Variants in H6PD observed in about 807,000 individuals in gnomAD.
H6PD encodes the protein hexose-6-phosphate dehydrogenase/glucose 1-dehydrogenase, also known as GDH/6PGL endoplasmic bifunctional protein.
H6PD carries 48 observed loss-of-function variants against 61.2 expected under a neutral mutation model. That is an observed-to-expected ratio of 0.78 (90% CI 0.62 to 1.00). The LOEUF (loss-of-function observed/expected upper bound fraction) is 1.00, where lower values mean the gene tolerates loss of function less well. Among genes scored for constraint, H6PD ranks in the 50% least tolerant of loss-of-function variants. The probability of loss-of-function intolerance (pLI) is 0.00; values close to 1 mark genes in which losing one functional copy is unlikely to be tolerated. For synonymous variants in H6PD, 480 were observed against 457.9 expected (o/e 1.05, Z -0.62); for missense variants, 1,093 against 1,065.0 (o/e 1.03, Z -0.37).
In H6PD at chr1:9,264,935, T is replaced by A; in HGVS notation, c.*66T>A. On this transcript the variant is annotated 3_prime_UTR_variant, in exon 5 of 5. Transcript: ENST00000377403. ...CTTCGCCCGTGTCTTCCCTCCCTTC[T>A]CGGCCCCGCCACCTGCCCAGCGTGC... 1 of 1,566,686 alleles carries A rather than the reference T, an allele frequency of 6.4e-7. No homozygotes were observed. The highest frequency in any genetic ancestry group is 8.7e-7 in the Non-Finnish European group (1 of 1,151,256).
At chr1:9,260,839 G>T (rs1570118348) in intron 3 of H6PD, among the ~76,000 whole-genome samples, 1 of 138,788 alleles carries the variant, frequency 7.2e-6, no homozygotes, top group African/African-American at 2.9e-5. Flanking sequence ...ATCTGCGCCT[G>T]GGGGTCTTCA....
At position 9,262,329 on chromosome 1, in the gene H6PD, G is replaced by A. The variant is rs1443690510; in HGVS notation, c.1015+1G>A. 6.3e-7 allele frequency: 1 copy of A among 1,599,102 alleles called. No homozygotes were observed. Among genetic ancestry groups the A allele is most frequent in the Non-Finnish European group, 8.5e-7 (1 of 1,173,090 alleles). ...CACAGCCTGACGCCGACCTTCGCAG[G>A]TGGGCCCTGGGGCTGGGCATGGGGC... On this transcript the variant is annotated splice_donor_variant, in intron 4 of 4. Transcript: ENST00000377403. LOFTEE classifies it high-confidence loss of function.
In H6PD at chr1:9,267,600, G is replaced by C. The variant is rs914343790; in HGVS notation, c.*2731G>C. On this transcript the variant is annotated 3_prime_UTR_variant, in exon 5 of 5. Transcript: ENST00000377403. ...GATGCACCACCGATCTGTGCAGAGTGGGTGTGGGAGTGTGGGTGAGGGTCG... is the reference window on the plus strand; with the variant it reads ...GATGCACCACCGATCTGTGCAGAGTCGGTGTGGGAGTGTGGGTGAGGGTCG... 6.6e-6 allele frequency: 1 copy of C among 152,310 alleles called. No individual in the cohort carries two copies. The highest frequency in any genetic ancestry group is 1.5e-5 in the Non-Finnish European group (1 of 68,098). The allele number at this position is 152,310 out of a possible 1,614,324, so 9.4% of individuals were successfully genotyped here. A position where few individuals can be genotyped will look rare whatever the true frequency, so the allele number is the denominator to read the frequency against.
chr1:9,250,098 G>C (rs377685882), intron 3 of H6PD, among the ~76,000 whole-genome samples: 18 of 152,280 alleles, frequency 1.2e-4, no homozygotes, highest in African/African-American at 4.1e-4. Context: ...ACTGGAAAGA[G>C]GGGACAGGCA....
rs763555076 is a variant in H6PD at position 9,263,584 on chromosome 1, A to G, written c.1091A>G (p.Glu364Gly). Reference protein sequence around the residue: ...FILMSGKALDERVGYARILFK... With the variant: ...FILMSGKALDGRVGYARILFK... The stretch of plus-strand genomic sequence containing the variant: ...CTGATGTCTGGCAAAGCCTTGGACG[A>G]GAGAGTGGGCTACGCTCGGATCTTG... The change falls in exon 5 of 5, where the codon GAG (glutamate) becomes GGG (glycine). Residue 364 changes from glutamate (E) to glycine (G), a missense_variant. By Grantham distance (98) the Glu-to-Gly change is moderately conservative. Coordinates refer to ENST00000377403, the MANE Select transcript of H6PD (RefSeq NM_004285.4). The G allele has an allele frequency of 5.0e-6, 8 of 1,614,184 alleles. No homozygotes were observed. In the East Asian group the frequency reaches 1.8e-4, roughly 36 times the overall value.
At chr1:9,246,818 G>T in intron 2 of H6PD, 148 bp from the exon 3 acceptor site, 1 of 736,324 alleles carries the variant, frequency 1.4e-6, no homozygotes, top group South Asian at 1.4e-5. Context: ...TTACTGGCCT[G>T]TGAGATCGTG....
intron 1 of H6PD, 23 bp downstream of exon 1, chr1:9,235,089 G>C (rs947084405): frequency 2.7e-5 from 4 of 148,156 alleles, no homozygotes; most frequent in Admixed American, 2.7e-4. Context: ...CGCCGGCCCC[G>C]CCGCCGCCCC....
rs1638703379 is a variant in H6PD at position 9,270,195 on chromosome 1, T to C, written c.*5326T>C. On this transcript the variant is annotated 3_prime_UTR_variant, in exon 5 of 5. Coordinates refer to ENST00000377403, the MANE Select transcript of H6PD (RefSeq NM_004285.4). Reference sequence around the variant, plus strand: ...TGCTTTGATTCTCAAGGCTGATCTTTAAAACCCTCGCCTTGCTGACAGGTG... The same window carrying C: ...TGCTTTGATTCTCAAGGCTGATCTTCAAAACCCTCGCCTTGCTGACAGGTG... 1 of 152,656 alleles carries C rather than the reference T, an allele frequency of 6.6e-6. No individual in the cohort carries two copies. Among genetic ancestry groups the C allele is most frequent in the African/African-American group, 2.4e-5 (1 of 41,438 alleles). The allele number at this position is 152,656 out of a possible 1,614,324, so 9.5% of individuals were successfully genotyped here.
At position 9,270,376 on chromosome 1, in the gene H6PD, C is replaced by T. The variant is rs1638708922; in HGVS notation, c.*5507C>T. 1 of 152,296 alleles carries T rather than the reference C, an allele frequency of 6.6e-6. No homozygotes were observed. The allele number at this position is 152,296 out of a possible 1,614,324, so 9.4% of individuals were successfully genotyped here. ...TACTTGTGTCGCTTTGGGTCCTTCACTTTACCCCCACAGAAGTCTAGAGGC... is the reference window on the plus strand; with the variant it reads ...TACTTGTGTCGCTTTGGGTCCTTCATTTTACCCCCACAGAAGTCTAGAGGC... On this transcript the variant is annotated 3_prime_UTR_variant, in exon 5 of 5. Transcript: ENST00000377403.
chr1:9,260,083 CTGT>C (rs1484617721), intron 3 of H6PD, among the ~76,000 whole-genome samples: 5 of 149,868 alleles, frequency 3.3e-5, no homozygotes, highest in Non-Finnish European at 7.4e-5. Flanking sequence ...TGTTACGTTG[CTGT>C]TGTTACGCCG....
chr1:9,243,868 G>GT, intron 1 of H6PD, among the ~76,000 whole-genome samples: 1 of 44,050 alleles, frequency 2.3e-5, no homozygotes, highest in Admixed American at 2.6e-4. Flanking sequence ...AGGAAGAGGC[G>GT]GGGGCGGTGG....
chr1:9,239,795 C>T lies in H6PD; in HGVS notation c.-11+4729C>T, dbSNP rs558431550. 1.3e-5 allele frequency: 5 copies of T among 391,948 alleles called. No individual in the cohort carries two copies. The South Asian group carries it at 7.1e-4, about 56-fold the overall frequency. The allele number at this position is 391,948 out of a possible 1,614,324, so 24.3% of individuals were successfully genotyped here. A position where few individuals can be genotyped will look rare whatever the true frequency, so the allele number is the denominator to read the frequency against. On this transcript the variant is annotated intron_variant, in intron 1 of 4. Coordinates refer to ENST00000377403, the MANE Select transcript of H6PD (RefSeq NM_004285.4). ...TTTACCTCCCGCTCCTCTCTCCCACCCCTTGTCTGCTGGGCATAGAGGATT... is the reference window on the plus strand; with the variant it reads ...TTTACCTCCCGCTCCTCTCTCCCACTCCTTGTCTGCTGGGCATAGAGGATT...
chr1:9,240,738 T>C (rs1043296274), intron 1 of H6PD, among the ~76,000 whole-genome samples: 2 of 152,264 alleles, frequency 1.3e-5, no homozygotes, highest in Non-Finnish European at 2.9e-5. Context: ...TTCCATGCTC[T>C]TTGGCTAACT....
rs1355522769 is a variant in H6PD at position 9,246,966 on chromosome 1, G to T, written c.628G>T (p.Ala210Ser). The T allele has an allele frequency of 1.2e-6, 2 of 1,608,000 alleles. No individual in the cohort carries two copies. The highest frequency in any genetic ancestry group is 2.7e-5 in the African/African-American group (2 of 74,810). ...ACGCCCAGTCTTCCCCCCCCGACAG[G>T]CTGTGGCGCAGATCCTGCCTTTCCG... ...YRVDHYLGKQ[A>S]VAQILPFRDQ... Residue 210 changes from alanine to serine, a missense_variant and splice_region_variant, in exon 3 of 5, where the codon GCT (alanine) becomes TCT (serine). By Grantham distance (99) the Ala-to-Ser change is moderately conservative. Coordinates refer to ENST00000377403, the MANE Select transcript of H6PD (RefSeq NM_004285.4).
At chr1:9,237,357 C>A (rs974374484) in intron 1 of H6PD, among the ~76,000 whole-genome samples, 2 of 150,214 alleles carry the variant, frequency 1.3e-5, no homozygotes, top group African/African-American at 4.9e-5. Context: ...CTCAGCCTCC[C>A]AAGTAGCTGG....
At chr1:9,250,110 C>T (rs748373683) in intron 3 of H6PD, among the ~76,000 whole-genome samples, 60 of 152,164 alleles carry the variant, frequency 3.9e-4, no homozygotes, top group Middle Eastern at 3.4e-3. Flanking sequence ...GGACAGGCAC[C>T]GCAGACCTGC....
intron 3 of H6PD, among the ~76,000 whole-genome samples, chr1:9,249,569 C>T (rs1468145599): frequency 6.6e-6 from 1 of 152,190 alleles, no homozygotes; most frequent in East Asian, 1.9e-4. Context: ...TCCGCCGCTC[C>T]TAAGCTCCAG....
At chr1:9,262,670 C>T (rs1638362232) in intron 4 of H6PD, among the ~76,000 whole-genome samples, 1 of 152,212 alleles carries the variant, frequency 6.6e-6, no homozygotes. Flanking sequence ...AAGCCTTTTG[C>T]CTGGCCACAG....
At chr1:9,260,306 C>T (rs2100382456) in intron 3 of H6PD, among the ~76,000 whole-genome samples, 1 of 151,640 alleles carries the variant, frequency 6.6e-6, no homozygotes, top group South Asian at 2.1e-4. Flanking sequence ...GTTGTTACGC[C>T]AGTGTTGTTA....
Sources: gnomAD v4.1 joint callset for allele counts (sites outside exome capture counted in the v4.1 genomes callset) on GRCh38, gnomAD v4.1.1 for gene constraint, MANE v1.5 for transcripts, NCBI Gene and HGNC (gene_info 2026-07-23, HGNC 2026-07-21) for gene names.